The following FOXP1 variants were observed in gnomAD, a reference collection of about 807,000 sequenced individuals.
FOXP1 encodes forkhead box P1, also known as forkhead box protein P1.
FOXP1 carries 15 observed loss-of-function variants against 98.2 expected under a neutral mutation model. That is an observed-to-expected ratio of 0.15 (90% CI 0.10 to 0.24). The LOEUF (loss-of-function observed/expected upper bound fraction) is 0.24. Ranked by LOEUF, FOXP1 falls within the 10% of genes least tolerant of loss-of-function variation. FOXP1 has a pLI of 1.00. For synonymous variants in FOXP1, 371 were observed against 314.5 expected (o/e 1.18, Z -1.90); for missense variants, 633 against 848.5 (o/e 0.75, Z 3.15).
chr3:71,230,949 C>T (rs1267725153), intron 5 of FOXP1, among the ~76,000 whole-genome samples: 1 of 152,160 alleles, frequency 6.6e-6, no homozygotes, highest in Admixed American at 6.5e-5. Context: ...ACAAGTAAGA[C>T]AGGCTTGCCA....
At chr3:71,518,682 A>G (rs2042754959) in intron 2 of FOXP1, among the ~76,000 whole-genome samples, 1 of 152,242 alleles carries the variant, frequency 6.6e-6, no homozygotes, top group East Asian at 1.9e-4. Flanking sequence ...TGTCTGAAAC[A>G]ATGCTTGCAA....
At chr3:71,009,251 C>T (rs1054848119) in intron 12 of FOXP1, among the ~76,000 whole-genome samples, 16 of 146,648 alleles carry the variant, frequency 1.1e-4, no homozygotes, top group Admixed American at 4.2e-4. Flanking sequence ...CCCTGGATAG[C>T]TATGTCCGGG....
At chr3:71,329,780 C>T (rs1415033207) in intron 4 of FOXP1, 1 of 152,184 alleles carries the variant, frequency 6.6e-6, no homozygotes, top group Non-Finnish European at 1.5e-5. Context: ...GATAACATTA[C>T]CGCTGGAAGA....
At chr3:71,354,415 GCA>G (rs2078021120) in intron 4 of FOXP1, among the ~76,000 whole-genome samples, 1 of 152,180 alleles carries the variant, frequency 6.6e-6, no homozygotes, top group South Asian at 2.1e-4. Context: ...AGACACTGCA[GCA>G]CCCCAAACTC....
chr3:71,354,782 G>A (rs943001635), intron 4 of FOXP1, among the ~76,000 whole-genome samples: 1 of 152,170 alleles, frequency 6.6e-6, no homozygotes, highest in Non-Finnish European at 1.5e-5. Flanking sequence ...CAGACGTTGT[G>A]CAAAGTGCTT....
intron 16 of FOXP1, 58 bp from the exon 17 acceptor site, chr3:70,977,100 CCA>C (rs1204497073): frequency 1.9e-5 from 22 of 1,139,210 alleles, no homozygotes; most frequent in Middle Eastern, 1.9e-4. Flanking sequence ...AGTCGTCATT[CCA>C]CAGTTTCTCG....
intron 7 of FOXP1, among the ~76,000 whole-genome samples, chr3:71,083,707 C>G (rs1331767256): frequency 6.6e-6 from 1 of 152,174 alleles, no homozygotes; most frequent in African/African-American, 2.4e-5. Flanking sequence ...CAGAACAGAA[C>G]AGAACAATTG....
rs147289957 is a variant in FOXP1 at position 70,985,828 on chromosome 3, G to A, written c.1146+2166C>T. 5.9e-3 allele frequency among the ~76,000 whole-genome samples: 903 copies of A among 152,180 alleles called. 7 individuals carry two copies. Among genetic ancestry groups the A allele is most frequent in the African/African-American group, 0.019 (779 of 41,500 alleles). ...GGAGTTCTTTATATTGGCTTGTAGC[G>A]CTGCTCTAGCTGTCAAAGGTTTGAC... is the stretch of plus-strand genomic sequence containing the variant. On this transcript the variant is annotated intron_variant, in intron 14 of 20. Transcript: ENST00000649528.
intron 3 of FOXP1, among the ~76,000 whole-genome samples, chr3:71,393,653 T>C (rs2081187008): frequency 6.6e-6 from 1 of 152,210 alleles, no homozygotes; most frequent in African/African-American, 2.4e-5. Context: ...AACTTGAAAA[T>C]GATTTCTAAG....
chr3:71,284,888 A>C (rs1440309589), intron 5 of FOXP1, among the ~76,000 whole-genome samples: 2 of 152,148 alleles, frequency 1.3e-5, no homozygotes, highest in Admixed American at 1.3e-4. Flanking sequence ...CAGGAGTCTA[A>C]ATTACTTTTA....
At chr3:71,088,393 G>GTTTTGTT (rs1553730902) in intron 7 of FOXP1, among the ~76,000 whole-genome samples, 20 of 120,146 alleles carry the variant, frequency 1.7e-4, no homozygotes, top group South Asian at 4.0e-4. Flanking sequence ...ACATTGTTTT[G>GTTTTGTT]TTTTTTGTTT....
chr3:70,968,207 C>T (rs1367693203), intron 19 of FOXP1, among the ~76,000 whole-genome samples: 1 of 146,232 alleles, frequency 6.8e-6, no homozygotes, highest in Non-Finnish European at 1.5e-5. Flanking sequence ...GAAAACCAGC[C>T]TTGTCCCTTG....
chr3:71,502,013 G>GT (rs2041416119), intron 2 of FOXP1, among the ~76,000 whole-genome samples: 1 of 152,190 alleles, frequency 6.6e-6, no homozygotes, highest in Non-Finnish European at 1.5e-5. Context: ...GTTGGGAGGC[G>GT]TGACGCTCAT....
rs587780339 is a variant in FOXP1, at chr3:71,198,284, C to A, written c.98G>T (p.Arg33Leu). The A allele has an allele frequency of 6.2e-7, 1 of 1,614,178 alleles. No individual in the cohort carries two copies. The highest frequency in any genetic ancestry group is 8.5e-7 in the Non-Finnish European group (1 of 1,180,038). The change falls in exon 6 of 21, where the codon CGG (arginine) becomes CTG (leucine). Residue 33 changes from arginine (R) to leucine (L), a missense_variant. Arg to Leu is a moderately radical substitution (Grantham distance 102). Coordinates refer to ENST00000649528, the MANE Select transcript of FOXP1 (RefSeq NM_001349338.3). ...SNHLLECGGLREGRSNGETPA... is the reference protein window; with the variant it reads ...SNHLLECGGLLEGRSNGETPA... The stretch of plus-strand genomic sequence containing the variant: ...CGTCTCTCCGTTGGACCGCCCCTCC[C>A]GAAGACCGCCGCACTCTAGTAAGTG...
At chr3:71,370,394 C>T (rs1467264847) in intron 3 of FOXP1, among the ~76,000 whole-genome samples, 1 of 152,096 alleles carries the variant, frequency 6.6e-6, no homozygotes, top group Non-Finnish European at 1.5e-5. Flanking sequence ...GAAAATAGTA[C>T]CATGAGAAAC....
chr3:71,135,499 G>A (rs2107958384), intron 6 of FOXP1, among the ~76,000 whole-genome samples: 1 of 152,092 alleles, frequency 6.6e-6, no homozygotes, highest in East Asian at 1.9e-4. Flanking sequence ...TGGTACCGAG[G>A]GCTGCCCTGT....
chr3:71,285,637 TG>T (rs1560242034), intron 5 of FOXP1, among the ~76,000 whole-genome samples: 2 of 152,356 alleles, frequency 1.3e-5, no homozygotes, highest in East Asian at 3.9e-4. Flanking sequence ...GAAAGGGTCA[TG>T]TACATAAAAA....
At chr3:71,197,798 T>A in intron 6 of FOXP1, 1 of 1,299,268 alleles carries the variant, frequency 7.7e-7, no homozygotes, top group Non-Finnish European at 1.1e-6. Context: ...CTCTCTTTTA[T>A]TCCTTAGCTC....
intron 3 of FOXP1, among the ~76,000 whole-genome samples, chr3:71,450,879 T>C (rs1160162184): frequency 6.6e-6 from 1 of 152,154 alleles, no homozygotes; most frequent in Non-Finnish European, 1.5e-5. Context: ...CCATTTCATG[T>C]CCCTTGACAC....
Sources: allele counts gnomAD v4.1 joint callset (sites outside exome capture counted in the v4.1 genomes callset), GRCh38; gene constraint gnomAD v4.1.1; transcripts MANE v1.5; gene names NCBI Gene and HGNC (gene_info 2026-07-23, HGNC 2026-07-21).